The following MAP2 variants were observed in gnomAD, a reference collection of about 807,000 sequenced individuals.
MAP2 encodes the protein microtubule associated protein 2, also known as microtubule-associated protein 2.
MAP2 carries 14 observed loss-of-function variants against 137.6 expected under a neutral mutation model. The ratio of observed to expected loss-of-function variants is 0.10; its 90% CI spans 0.07 to 0.16. MAP2 has a LOEUF of 0.16. Among genes scored for constraint, MAP2 ranks in the 10% least tolerant of loss-of-function variants. MAP2 has a pLI of 1.00. For missense variants in MAP2, 2,088 were observed against 2,191.5 expected, an observed-to-expected ratio of 0.95 and a Z score of 0.94; for synonymous variants, 786 against 782.3, an observed-to-expected ratio of 1.00 and a Z score of -0.08.
chr2:209,718,234 G>T (rs557815750), intron 13 of MAP2, among the ~76,000 whole-genome samples: 17 of 152,222 alleles, frequency 1.1e-4, no homozygotes, highest in Non-Finnish European at 2.1e-4. Context: ...GTTGAGGCTT[G>T]TTGAGCCTTT....
intron 1 of MAP2, among the ~76,000 whole-genome samples, chr2:209,501,099 C>CA (rs2060327358): frequency 6.9e-6 from 1 of 144,572 alleles, no homozygotes; most frequent in South Asian, 2.2e-4. Flanking sequence ...GAATTACAAA[C>CA]AAAAAACATT....
At chr2:209,464,752 T>C (rs1703711365) in intron 1 of MAP2, among the ~76,000 whole-genome samples, 1 of 152,070 alleles carries the variant, frequency 6.6e-6, no homozygotes, top group East Asian at 1.9e-4. Flanking sequence ...AGTTATAAGG[T>C]CATTAAAGAC....
chr2:209,465,945 G>A (rs991228585), intron 1 of MAP2, among the ~76,000 whole-genome samples: 9 of 152,288 alleles, frequency 5.9e-5, no homozygotes, highest in Middle Eastern at 3.4e-3. Flanking sequence ...AGTTAAGACT[G>A]TTGCAGAAGG....
intron 5 of MAP2, among the ~76,000 whole-genome samples, chr2:209,660,121 G>A (rs2042740387): frequency 6.6e-6 from 1 of 152,032 alleles, no homozygotes; most frequent in Non-Finnish European, 1.5e-5. Context: ...TAAATGTAAA[G>A]ATTAAAAGGC....
At chr2:209,445,939 C>T (rs1247976892) in intron 1 of MAP2, among the ~76,000 whole-genome samples, 1 of 151,616 alleles carries the variant, frequency 6.6e-6, no homozygotes, top group Admixed American at 6.6e-5. Context: ...AGTACCTACA[C>T]TTCCTGCCCA....
intron 12 of MAP2, among the ~76,000 whole-genome samples, chr2:209,708,779 T>G (rs2064332154): frequency 1.3e-5 from 2 of 152,184 alleles, no homozygotes; most frequent in Admixed American, 1.3e-4. Flanking sequence ...GAAATTTGCA[T>G]GCTTAAAAAT....
At chr2:209,479,448 T>C (rs1345362180) in intron 1 of MAP2, among the ~76,000 whole-genome samples, 3 of 152,148 alleles carry the variant, frequency 2.0e-5, no homozygotes, top group Non-Finnish European at 4.4e-5. Context: ...GGAACTATGA[T>C]AATAAAGATA....
rs184151773 is a variant in MAP2, at chr2:209,514,520, C to G, written c.-172+6879C>G. Among the ~76,000 whole-genome samples the G allele has an allele frequency of 1.4e-4, 21 of 152,154 alleles. No homozygotes were observed. In the East Asian group the frequency reaches 3.3e-3, roughly 24 times the overall value. ...CTAATCTTTATTCTTTTCCTAAATTCATCTGTAAAAAAGAATCCCATTCCA... is the reference window on the plus strand; with the variant it reads ...CTAATCTTTATTCTTTTCCTAAATTGATCTGTAAAAAAGAATCCCATTCCA... On this transcript the variant is annotated intron_variant, in intron 2 of 15. Coordinates refer to ENST00000682079, the MANE Select transcript of MAP2 (RefSeq NM_001375505.1).
At chr2:209,710,388 T>G in intron 13 of MAP2, 134 bp downstream of exon 13, 1 of 760,872 alleles carries the variant, frequency 1.3e-6, no homozygotes, top group Non-Finnish European at 2.1e-6. Context: ...GCTAAGAGTT[T>G]GGACTTTACA....
chr2:209,427,456 AC>A (rs1446586996), intron 1 of MAP2, among the ~76,000 whole-genome samples: 1 of 152,112 alleles, frequency 6.6e-6, no homozygotes, highest in Non-Finnish European at 1.5e-5. Flanking sequence ...TTATCTCTTT[AC>A]TATTGCCATT....
chr2:209,495,042 T>A (rs1313415608), intron 1 of MAP2, among the ~76,000 whole-genome samples: 1 of 152,228 alleles, frequency 6.6e-6, no homozygotes, highest in Admixed American at 6.5e-5. Flanking sequence ...TTTGCCTTAA[T>A]AAAAGACATC....
chr2:209,558,836 A>G (rs1442052185), intron 2 of MAP2, among the ~76,000 whole-genome samples: 1 of 151,840 alleles, frequency 6.6e-6, no homozygotes, highest in Admixed American at 6.6e-5. Context: ...ACTGTCTCCC[A>G]TCGTGGAAGT....
At chr2:209,508,882 T>C (rs2061404653) in intron 2 of MAP2, among the ~76,000 whole-genome samples, 1 of 152,012 alleles carries the variant, frequency 6.6e-6, no homozygotes, top group Non-Finnish European at 1.5e-5. Flanking sequence ...TGGAGATTTG[T>C]GAACATTTAA....
intron 4 of MAP2, among the ~76,000 whole-genome samples, chr2:209,638,094 T>A (rs1463566306): frequency 2.6e-5 from 4 of 152,172 alleles, no homozygotes; most frequent in Non-Finnish European, 5.9e-5. Flanking sequence ...TTTTTTAACG[T>A]CTCATAAATG....
intron 10 of MAP2, among the ~76,000 whole-genome samples, 159 bp downstream of exon 10, chr2:209,697,210 T>TC (rs2060408928): frequency 6.6e-6 from 1 of 151,584 alleles, no homozygotes; most frequent in Non-Finnish European, 1.5e-5. Context: ...TATTCTTTTT[T>TC]CCCCCCTCCT....
At chr2:209,539,852 C>G (rs905215552) in intron 2 of MAP2, among the ~76,000 whole-genome samples, 1 of 148,198 alleles carries the variant, frequency 6.7e-6, no homozygotes, top group Non-Finnish European at 1.5e-5. Context: ...AATCCCAGCA[C>G]TTTGGGAGAC....
chr2:209,446,288 G>C (rs1187411605), intron 1 of MAP2, among the ~76,000 whole-genome samples: 1 of 151,724 alleles, frequency 6.6e-6, no homozygotes, highest in Non-Finnish European at 1.5e-5. Flanking sequence ...CAATTTGACT[G>C]TAGTTATGTC....
intron 1 of MAP2, among the ~76,000 whole-genome samples, chr2:209,432,088 C>T (rs545019445): frequency 2.2e-4 from 33 of 152,302 alleles, no homozygotes; most frequent in Non-Finnish European, 4.1e-4. Context: ...TGTATTTAAA[C>T]TTGGCTCAAC....
At chr2:209,541,699 C>G (rs2067074534) in intron 2 of MAP2, among the ~76,000 whole-genome samples, 1 of 152,212 alleles carries the variant, frequency 6.6e-6, no homozygotes, top group African/African-American at 2.4e-5. Context: ...CAAGAGACCA[C>G]TCTTTTGCTC....
Sources: gnomAD v4.1 joint callset for allele counts (sites outside exome capture counted in the v4.1 genomes callset) on GRCh38, gnomAD v4.1.1 for gene constraint, MANE v1.5 for transcripts, NCBI Gene and HGNC (gene_info 2026-07-23, HGNC 2026-07-21) for gene names.